ADCY9: variants seen among roughly 807,000 people sequenced by gnomAD.
ADCY9 encodes the protein adenylate cyclase 9.
Under a neutral mutation model 101.5 loss-of-function variants are expected in ADCY9, and 50 were observed. The ratio of observed to expected loss-of-function variants is 0.49; its 90% CI spans 0.39 to 0.62. ADCY9 has a LOEUF of 0.62. Among genes scored for constraint, ADCY9 ranks in the 20% least tolerant of loss-of-function variants. The pLI is 0.00. For missense variants in ADCY9, 1,662 were observed against 1,800.4 expected (o/e 0.92, Z 1.39); for synonymous variants, 905 against 769.3 (o/e 1.18, Z -2.92).
At chr16:4,093,186 G>T (rs774316133) in intron 2 of ADCY9, among the ~76,000 whole-genome samples, 4 of 152,166 alleles carry the variant, frequency 2.6e-5, no homozygotes, top group Non-Finnish European at 4.4e-5. Context: ...TTGATTAAAA[G>T]AGAAAATCCT....
intron 2 of ADCY9, among the ~76,000 whole-genome samples, chr16:4,045,783 C>T (rs764729419): frequency 1.4e-3 from 215 of 151,432 alleles, no homozygotes; most frequent in Admixed American, 2.4e-3. Context: ...ACTGCAGCCT[C>T]GACCTCCTTG....
intron 2 of ADCY9, among the ~76,000 whole-genome samples, chr16:4,085,317 G>A (rs955100465): frequency 2.0e-5 from 3 of 152,078 alleles, no homozygotes; most frequent in Non-Finnish European, 4.4e-5. Context: ...AGCCGAGATC[G>A]CACCACTGCA....
intron 2 of ADCY9, among the ~76,000 whole-genome samples, chr16:4,093,151 T>C (rs1419074167): frequency 6.6e-6 from 1 of 152,234 alleles, no homozygotes; most frequent in Non-Finnish European, 1.5e-5. Context: ...AATGTTTGAA[T>C]TGGTTAAAAC....
rs961567943 is a variant in ADCY9, at chr16:4,114,327, C to T, written c.1116G>A (p.Lys372=). ...ATSSPKNRKK[K]SSIQKAPIAF... is the part of the protein sequence containing the mutation. ...CTATAGGAGCTTTTTGGATGGAAGA[C>T]TTTTTCTTCCTGTTCTTGGGGCTCG... Residue 372 remains lysine (K), a synonymous_variant, in exon 2 of 11, where the codon AAG becomes AAA. Transcript: ENST00000294016. The surrounding 1 kb of genome is among the most constrained non-coding windows in gnomAD (Gnocchi z 4.3). 2.5e-6 allele frequency: 4 copies of T among 1,613,798 alleles called. No individual in the cohort carries two copies. In the African/African-American group the frequency reaches 4.0e-5, roughly 16 times the overall value.
chr16:3,986,110 C>T (rs530541156), intron 6 of ADCY9, among the ~76,000 whole-genome samples: 2 of 152,256 alleles, frequency 1.3e-5, no homozygotes, highest in African/African-American at 2.4e-5. Context: ...GCTCTGCAGC[C>T]GGGCTGTCTG....
At chr16:4,043,303 T>C (rs902472113) in intron 2 of ADCY9, among the ~76,000 whole-genome samples, 3 of 152,102 alleles carry the variant, frequency 2.0e-5, no homozygotes, top group Non-Finnish European at 4.4e-5. Flanking sequence ...GTGTTATATG[T>C]AAACATAAAG....
chr16:4,045,540 A>C (rs1277224612), intron 2 of ADCY9, among the ~76,000 whole-genome samples: 1 of 134,580 alleles, frequency 7.4e-6, no homozygotes. Flanking sequence ...GGTTGCAGTG[A>C]GCTGAGATCG....
chr16:3,957,204 T>G (rs779731625), intron 5 of ADCY9, among the ~76,000 whole-genome samples: 3 of 152,216 alleles, frequency 2.0e-5, no homozygotes, highest in Non-Finnish European at 4.4e-5. Flanking sequence ...AAAAACACTG[T>G]GGCCAATGAT....
intron 10 of ADCY9, among the ~76,000 whole-genome samples, chr16:3,968,874 C>A (rs2056022518): frequency 6.6e-6 from 1 of 151,632 alleles, no homozygotes; most frequent in Non-Finnish European, 1.5e-5. Flanking sequence ...GAGAAGGAGT[C>A]TCGCTTTGTT....
At chr16:4,055,799 A>G (rs1314334774) in intron 2 of ADCY9, among the ~76,000 whole-genome samples, 1 of 151,742 alleles carries the variant, frequency 6.6e-6, no homozygotes, top group African/African-American at 2.4e-5. Context: ...GTGCCACTGC[A>G]CTCCAGCGTG....
chr16:3,996,414 C>T (rs1363501753), intron 3 of ADCY9, among the ~76,000 whole-genome samples: 2 of 152,060 alleles, frequency 1.3e-5, no homozygotes, highest in Non-Finnish European at 2.9e-5. Flanking sequence ...GAGACCACTG[C>T]TCTTATTAAA....
intron 2 of ADCY9, among the ~76,000 whole-genome samples, chr16:4,027,268 G>A (rs374761783): frequency 2.0e-4 from 31 of 152,268 alleles, no homozygotes; most frequent in African/African-American, 6.0e-4. Context: ...TCGTTTTCTC[G>A]TTGCTTTCTT....
rs574086775 is a variant in ADCY9 at position 3,986,048 on chromosome 16, C to T, written c.2311-2608G>A. ...GGGCCAGGCTCCGCCCTGCTCACTA[C>T]CCACATCCCAGGGCCTCCGGGTGCG... On this transcript the variant is annotated intron_variant, in intron 6 of 10. Coordinates refer to ENST00000294016, the MANE Select transcript of ADCY9 (RefSeq NM_001116.4). Among the ~76,000 whole-genome samples, 5 of 152,362 alleles carry T rather than the reference C, an allele frequency of 3.3e-5. No individual in the cohort carries two copies. The South Asian group carries it at 1.0e-3, about 32-fold the overall frequency.
chr16:3,973,081 C>T (rs535780147), intron 10 of ADCY9, among the ~76,000 whole-genome samples: 23 of 152,072 alleles, frequency 1.5e-4, no homozygotes, highest in Non-Finnish European at 3.4e-4. Context: ...TATAGTTTCA[C>T]CTAGTAAATG....
chr16:4,102,504 C>T (rs2057049770), intron 2 of ADCY9, among the ~76,000 whole-genome samples: 1 of 152,202 alleles, frequency 6.6e-6, no homozygotes, highest in South Asian at 2.1e-4. Context: ...CAGCTCACCG[C>T]AACCTCCGCC....
chr16:3,969,614 T>TATATA (rs1567414929), intron 10 of ADCY9, among the ~76,000 whole-genome samples: 11 of 50,696 alleles, frequency 2.2e-4, no homozygotes, highest in Admixed American at 5.1e-4. Context: ...ATATATGTAT[T>TATATA]TTTTTTTTTT....
chr16:4,027,748 A>G (rs1009252841), intron 2 of ADCY9, among the ~76,000 whole-genome samples: 5 of 152,040 alleles, frequency 3.3e-5, no homozygotes, highest in Admixed American at 6.6e-5. Context: ...GTGGTGGTCC[A>G]TGCCTGTAAT....
intron 9 of ADCY9, among the ~76,000 whole-genome samples, chr16:3,975,494 G>A (rs549720403): frequency 4.6e-5 from 7 of 152,106 alleles, no homozygotes; most frequent in African/African-American, 7.2e-5. Flanking sequence ...TGCCTACTCC[G>A]TCTGATACTG....
chr16:3,970,988 G>C (rs769357450), intron 10 of ADCY9, among the ~76,000 whole-genome samples: 2 of 152,192 alleles, frequency 1.3e-5, no homozygotes, highest in African/African-American at 2.4e-5. Context: ...GCACCAGGGA[G>C]CTGGGATTTG....
Sources: gnomAD v4.1 joint callset for allele counts (sites outside exome capture counted in the v4.1 genomes callset) on GRCh38, gnomAD v4.1.1 for gene constraint, Gnocchi (gnomAD v3.1) non-coding constraint, MANE v1.5 for transcripts, NCBI Gene and HGNC (gene_info 2026-07-23, HGNC 2026-07-21) for gene names.